The following IL1RAPL1 variants were observed in gnomAD, a reference collection of about 807,000 sequenced individuals.
IL1RAPL1 encodes interleukin 1 receptor accessory protein like 1, also known as interleukin-1 receptor accessory protein-like 1.
IL1RAPL1 carries 3 observed loss-of-function variants against 48.4 expected under a neutral mutation model. The observed-to-expected ratio is 0.06, with a 90% CI of 0.03 to 0.16. The LOEUF (loss-of-function observed/expected upper bound fraction) is 0.16, where lower values mean the gene tolerates loss of function less well. Ranked by LOEUF, IL1RAPL1 falls within the 10% of genes least tolerant of loss-of-function variation. IL1RAPL1 has a pLI of 1.00. For missense variants in IL1RAPL1, 349 were observed against 530.6 expected, an observed-to-expected ratio of 0.66 and a Z score of 3.36; for synonymous variants, 185 against 187.7, an observed-to-expected ratio of 0.99 and a Z score of 0.12.
chrX:29,379,075 C>T (rs953223839), intron 3 of IL1RAPL1, among the ~76,000 whole-genome samples: 5 of 112,376 alleles, frequency 4.4e-5, no homozygotes, highest in African/African-American at 1.6e-4. Flanking sequence ...CATTCCCGAA[C>T]TGTGCACCAC....
chrX:28,645,570 C>T (rs1934599906), intron 1 of IL1RAPL1, among the ~76,000 whole-genome samples: 1 of 109,466 alleles, frequency 9.1e-6, no homozygotes, highest in African/African-American at 3.3e-5. Flanking sequence ...CATTGATGAC[C>T]TAAAGTGACA....
intron 1 of IL1RAPL1, among the ~76,000 whole-genome samples, chrX:28,731,171 ATATC>A (rs1481843885): frequency 1.8e-5 from 2 of 111,939 alleles, no homozygotes; most frequent in Admixed American, 9.5e-5. Flanking sequence ...TTTTAAAAGA[ATATC>A]TGTCACGTTC....
chrX:29,751,515 C>A (rs1355288940), intron 6 of IL1RAPL1, among the ~76,000 whole-genome samples: 2 of 111,729 alleles, frequency 1.8e-5, no homozygotes, highest in East Asian at 5.6e-4. Context: ...AAAAGACAAT[C>A]TACCATAATA....
intron 8 of IL1RAPL1, among the ~76,000 whole-genome samples, chrX:29,926,865 A>AACTC (rs1227554793): frequency 9.0e-6 from 1 of 111,672 alleles, no homozygotes; most frequent in African/African-American, 3.3e-5. Context: ...AGATATAAAA[A>AACTC]ACTCAGTCTT....
intron 6 of IL1RAPL1, among the ~76,000 whole-genome samples, chrX:29,892,358 T>C (rs1391034631): frequency 8.9e-6 from 1 of 112,141 alleles, no homozygotes; most frequent in African/African-American, 3.2e-5. Flanking sequence ...GGATTTAATC[T>C]CTGAAAATTT....
chrX:28,619,599 C>G (rs1253895719), intron 1 of IL1RAPL1, among the ~76,000 whole-genome samples: 23 of 82,377 alleles, frequency 2.8e-4, no homozygotes, highest in East Asian at 8.0e-4. Context: ...AGAGTGAGAC[C>G]CCGTCTCCAA....
chrX:28,605,731 A>G (rs1934076639), intron 1 of IL1RAPL1, among the ~76,000 whole-genome samples: 1 of 111,816 alleles, frequency 8.9e-6, no homozygotes, highest in Admixed American at 9.6e-5. Context: ...TAATGGCCTA[A>G]GGAAATTCGC....
At chrX:29,006,565 C>T (rs1925983810) in intron 2 of IL1RAPL1, among the ~76,000 whole-genome samples, 1 of 107,651 alleles carries the variant, frequency 9.3e-6, no homozygotes, top group South Asian at 4.1e-4. Context: ...CCTCTTTATC[C>T]ATCTTGCCCT....
intron 6 of IL1RAPL1, among the ~76,000 whole-genome samples, chrX:29,694,396 A>G (rs182567440): frequency 8.0e-5 from 9 of 112,176 alleles, no homozygotes; most frequent in East Asian, 5.6e-4. Flanking sequence ...TGCAGTATGC[A>G]TATAGATATC....
chrX:29,704,134 T>C (rs1927129348), intron 6 of IL1RAPL1, among the ~76,000 whole-genome samples: 1 of 109,876 alleles, frequency 9.1e-6, no homozygotes, highest in Non-Finnish European at 1.9e-5. Flanking sequence ...CTTGCTATAT[T>C]GCCCAGGCTG....
At chrX:29,721,145 A>T (rs1325235858) in intron 6 of IL1RAPL1, among the ~76,000 whole-genome samples, 1 of 108,584 alleles carries the variant, frequency 9.2e-6, no homozygotes, top group Non-Finnish European at 1.9e-5. Flanking sequence ...TAGGGGATGA[A>T]GCAAGAACAC....
At chrX:29,036,088 A>G (rs139882295) in intron 2 of IL1RAPL1, among the ~76,000 whole-genome samples, 1 of 111,872 alleles carries the variant, frequency 8.9e-6, no homozygotes, top group African/African-American at 3.2e-5. Flanking sequence ...CTTCGAGAAG[A>G]CTTGAGACAG....
intron 2 of IL1RAPL1, among the ~76,000 whole-genome samples, chrX:28,923,344 T>C (rs1046003962): frequency 5.4e-5 from 6 of 110,679 alleles, no homozygotes; most frequent in African/African-American, 2.0e-4. Flanking sequence ...ACCCAGCTAC[T>C]TTGTAGTTTT....
At chrX:28,929,540 G>T (rs761231769) in intron 2 of IL1RAPL1, among the ~76,000 whole-genome samples, 1 of 111,883 alleles carries the variant, frequency 8.9e-6, no homozygotes, top group Admixed American at 9.5e-5. Flanking sequence ...AGGCAGCCAG[G>T]CTGCCTGATG....
intron 1 of IL1RAPL1, among the ~76,000 whole-genome samples, chrX:28,606,812 C>T (rs1057101311): frequency 9.0e-6 from 1 of 111,190 alleles, no homozygotes; most frequent in African/African-American, 3.3e-5. Flanking sequence ...CAATTTTCTT[C>T]TTTTTGTAGA....
chrX:29,777,085 C>T (rs778808776), intron 6 of IL1RAPL1, among the ~76,000 whole-genome samples: 5 of 112,036 alleles, frequency 4.5e-5, no homozygotes, highest in South Asian at 7.4e-4. Context: ...GCAGTAATCA[C>T]GCATGTCAAT....
chrX:29,236,510 CTTT>C (rs72369187), intron 2 of IL1RAPL1, among the ~76,000 whole-genome samples: 36 of 83,673 alleles, frequency 4.3e-4, no homozygotes, highest in Middle Eastern at 0.012. Context: ...TATTCCTTCT[CTTT>C]TTTTTTTTTT....
In IL1RAPL1 at chrX:28,719,159, C is replaced by A. The variant is rs189136503; in HGVS notation, c.-24-70161C>A. On this transcript the variant is annotated intron_variant, in intron 1 of 10. Coordinates refer to ENST00000378993, the MANE Select transcript of IL1RAPL1 (RefSeq NM_014271.4). ...ATATAATGGCTTTGAATCAGATTAA[C>A]CTGGATTTAATACAGGTCCCTAGGT... Among the ~76,000 whole-genome samples the A allele has an allele frequency of 9.5e-4, 106 of 111,079 alleles. No individual in the cohort carries two copies. In the East Asian group the frequency reaches 0.016, roughly 17 times the overall value.
Position 29,122,409 on chromosome X carries a change from T to TCACACACACACA in IL1RAPL1, c.83-160501_83-160490dup, listed in dbSNP as rs59677285. On this transcript the variant is annotated intron_variant, in intron 2 of 10. Coordinates refer to ENST00000378993, the MANE Select transcript of IL1RAPL1 (RefSeq NM_014271.4). Reference sequence around the variant, plus strand: ...CTCTCTCTCTCTTTCTCTCTCTCTCTCACACACACACACACACACACACAC... The same window carrying TCACACACACACA: ...CTCTCTCTCTCTTTCTCTCTCTCTCTCACACACACACACACACACACACACACACACACACAC... Among the ~76,000 whole-genome samples, 253 of 64,587 alleles carry TCACACACACACA rather than the reference T, an allele frequency of 3.9e-3. 1 individual carries two copies. The highest frequency in any genetic ancestry group is 9.4e-3 in the African/African-American group (121 of 12,825). 56.1% of individuals were successfully genotyped at this position (64,587 alleles called of 115,157 possible).
Sources: gnomAD v4.1 joint callset for allele counts (sites outside exome capture counted in the v4.1 genomes callset) on GRCh38, gnomAD v4.1.1 for gene constraint, MANE v1.5 for transcripts, NCBI Gene and HGNC (gene_info 2026-07-23, HGNC 2026-07-21) for gene names.